Variants in VIPR1 observed in about 807,000 individuals in gnomAD.
VIPR1 encodes the protein vasoactive intestinal polypeptide receptor 1.
VIPR1 carries 59 observed loss-of-function variants against 58.8 expected under a neutral mutation model. The ratio of observed to expected loss-of-function variants is 1.00; its 90% CI spans 0.81 to 1.25. The LOEUF (loss-of-function observed/expected upper bound fraction) is 1.25. VIPR1 is among the 50% of genes most tolerant of loss of function. VIPR1 has a pLI of 0.00. For synonymous variants in VIPR1, 251 were observed against 242.1 expected (o/e 1.04, Z -0.34); for missense variants, 626 against 602.7 (o/e 1.04, Z -0.40).
At chr3:42,502,377 G>T, upstream of VIPR1, 1 of 199,616 alleles carries the variant, frequency 5.0e-6, no homozygotes, top group Non-Finnish European at 1.0e-5. Context: ...GATGGAATGT[G>T]TTCGGGTCTC....
chr3:42,503,117 G>C (rs954489762), intron 1 of VIPR1, among the ~76,000 whole-genome samples: 10 of 152,142 alleles, frequency 6.6e-5, no homozygotes, highest in African/African-American at 2.4e-4. Flanking sequence ...GGTGCGCAGC[G>C]GGGTGGGGCG....
intron 2 of VIPR1, among the ~76,000 whole-genome samples, chr3:42,516,164 G>A (rs1248815362): frequency 6.6e-6 from 1 of 152,170 alleles, no homozygotes; most frequent in Non-Finnish European, 1.5e-5. Context: ...CAAGCTCTGG[G>A]TTGGGCTTTC....
At position 42,502,739 on chromosome 3, in the gene VIPR1, C is replaced by T. The variant is rs1456540471; in HGVS notation, c.4C>T (p.Arg2Cys). Residue 2 changes from arginine to cysteine, a missense_variant, in exon 1 of 13, where the codon CGC (arginine) becomes TGC (cysteine). Physicochemically the swap from Arg to Cys is radical, Grantham distance 180. Coordinates refer to ENST00000325123, the MANE Select transcript of VIPR1 (RefSeq NM_004624.4). ...CGCCGCGGGCTCAGGGCAGACCATGCGCCCGCCAAGTCCGCTGCCCGCCCG... is the reference window on the plus strand; with the variant it reads ...CGCCGCGGGCTCAGGGCAGACCATGTGCCCGCCAAGTCCGCTGCCCGCCCG... M[R>C]PPSPLPARWL... 6 of 1,317,568 alleles carry T rather than the reference C, an allele frequency of 4.6e-6. No homozygotes were observed. The highest frequency in any genetic ancestry group is 7.4e-5 in the Admixed American group (2 of 26,950). 81.6% of individuals were successfully genotyped at this position (1,317,568 alleles called of 1,614,324 possible). A position where few individuals can be genotyped will look rare whatever the true frequency, so the allele number is the denominator to read the frequency against.
At chr3:42,497,297 C>T (rs1699781755) in intron 1 of VIPR1, among the ~76,000 whole-genome samples, 1 of 152,128 alleles carries the variant, frequency 6.6e-6, no homozygotes, top group East Asian at 1.9e-4. Flanking sequence ...TCTGCCCTTC[C>T]TACCTTGAAC....
upstream of VIPR1, among the ~76,000 whole-genome samples, chr3:42,501,444 C>T (rs1226387846): frequency 6.6e-6 from 1 of 152,192 alleles, no homozygotes; most frequent in Non-Finnish European, 1.5e-5. The surrounding 1 kb of genome is among the most constrained non-coding windows in gnomAD (Gnocchi z 4.8). Context: ...TCCGCCTCTC[C>T]TTCTGTCACA....
chr3:42,499,083 C>T (rs773472667), upstream of VIPR1, among the ~76,000 whole-genome samples: 4 of 152,110 alleles, frequency 2.6e-5, no homozygotes, highest in Middle Eastern at 3.4e-3. Context: ...CTCAGAAGCC[C>T]GGAGAAAGCA....
intron 1 of VIPR1, among the ~76,000 whole-genome samples, chr3:42,504,902 CAAAAAAAAAAAAAAA>C (rs56310463): frequency 1.9e-5 from 1 of 52,962 alleles, no homozygotes; most frequent in Non-Finnish European, 3.7e-5. Context: ...AAAAGGGAGG[CAAAAAAAAAAAAAAA>C]AAAAAAAAAG....
Position 42,513,841 on chromosome 3 carries a change from G to T in VIPR1, c.171G>T (p.Glu57Asp). Reference protein sequence around the residue: ...HKQCLEEAQLENETIGCSKMW... With the variant: ...HKQCLEEAQLDNETIGCSKMW... ...AGTGCCTGGAGGAGGCCCAGCTGGA[G>T]AATGAGACAATAGGTGAGGCCCCCA... Residue 57 changes from glutamate (E) to aspartate (D), a missense_variant, in exon 2 of 13, where the codon GAG becomes GAT. Transcript: ENST00000325123. 1 of 1,551,632 alleles carries T rather than the reference G, an allele frequency of 6.4e-7. No homozygotes were observed. Among genetic ancestry groups the T allele is most frequent in the African/African-American group, 1.4e-5 (1 of 73,166 alleles).
chr3:42,528,110 G>T lies in VIPR1; in HGVS notation c.623G>T (p.Cys208Phe). 6.2e-7 allele frequency: 1 copy of T among 1,613,562 alleles called. No individual in the cohort carries two copies. Among genetic ancestry groups the T allele is most frequent in the Non-Finnish European group, 8.5e-7 (1 of 1,179,866 alleles). Residue 208 changes from cysteine (C) to phenylalanine (F), a missense_variant, in exon 6 of 13, where the codon TGC becomes TTC. Coordinates refer to ENST00000325123, the MANE Select transcript of VIPR1 (RefSeq NM_004624.4). The part of the protein sequence containing the change: ...ALFDSGESDQ[C>F]SEGSVGCKAA... Reference sequence around the variant, plus strand: ...TTCGACAGCGGGGAGTCGGACCAGTGCTCCGAGGGCTCGGTGAGGATCCTG... The same window carrying T: ...TTCGACAGCGGGGAGTCGGACCAGTTCTCCGAGGGCTCGGTGAGGATCCTG...
chr3:42,504,902 C>CAAAAAA (rs56310463), intron 1 of VIPR1, among the ~76,000 whole-genome samples: 1 of 52,958 alleles, frequency 1.9e-5, no homozygotes, highest in Admixed American at 2.1e-4. Context: ...AAAAGGGAGG[C>CAAAAAA]AAAAAAAAAA....
chr3:42,511,755 A>G (rs1407909748), intron 1 of VIPR1: 1 of 152,184 alleles, frequency 6.6e-6, no homozygotes, highest in Non-Finnish European at 1.5e-5. Context: ...AGACAGACCA[A>G]TGATGGGACA....
At chr3:42,519,605 T>G in intron 3 of VIPR1, 1 of 322,768 alleles carries the variant, frequency 3.1e-6, no homozygotes, top group Non-Finnish European at 5.7e-6. Context: ...AAATTATGAC[T>G]CCCATAGTCC....
chr3:42,537,506 C>T lies in VIPR1; in HGVS notation c.*1225C>T, dbSNP rs1421600378. The stretch of plus-strand genomic sequence containing the variant: ...GTGGCCACTCAGCTTCCTACCCACA[C>T]CTCTGCCAGAAGATCCCCTCAGGAC... On this transcript the variant is annotated 3_prime_UTR_variant, in exon 13 of 13. Coordinates refer to ENST00000325123, the MANE Select transcript of VIPR1 (RefSeq NM_004624.4). 1 of 152,322 alleles carries T rather than the reference C, an allele frequency of 6.6e-6. No homozygotes were observed. The highest frequency in any genetic ancestry group is 1.5e-5 in the Non-Finnish European group (1 of 68,130). 9.4% of individuals were successfully genotyped at this position (152,322 alleles called of 1,614,324 possible). A position where few individuals can be genotyped will look rare whatever the true frequency, so the allele number is the denominator to read the frequency against.
intron 1 of VIPR1, among the ~76,000 whole-genome samples, chr3:42,490,179 A>G (rs1054621015): frequency 6.6e-6 from 1 of 152,110 alleles, no homozygotes; most frequent in Non-Finnish European, 1.5e-5. Flanking sequence ...AAGACAGAGG[A>G]CAGACAGGCC....
upstream of VIPR1, among the ~76,000 whole-genome samples, chr3:42,497,955 T>A (rs1406019127): frequency 6.6e-6 from 1 of 152,242 alleles, no homozygotes; most frequent in African/African-American, 2.4e-5. Flanking sequence ...GGTGACAGAC[T>A]GCTGACCCCC....
chr3:42,517,372 C>G (rs957436347), intron 2 of VIPR1, among the ~76,000 whole-genome samples: 1 of 152,200 alleles, frequency 6.6e-6, no homozygotes, highest in African/African-American at 2.4e-5. Context: ...GTTGGGTTTT[C>G]TGAGCAAATC....
At chr3:42,510,279 C>T (rs894813446) in intron 1 of VIPR1, among the ~76,000 whole-genome samples, 2 of 152,230 alleles carry the variant, frequency 1.3e-5, no homozygotes, top group African/African-American at 4.8e-5. Context: ...CCTACCTCTA[C>T]AGAATGAGTA....
At chr3:42,507,906 T>C (rs561399497) in intron 1 of VIPR1, 1 of 146,646 alleles carries the variant, frequency 6.8e-6, no homozygotes, top group Non-Finnish European at 1.5e-5. Flanking sequence ...GCAGTTCTCA[T>C]TCTCTTCTTC....
rs768993426 is a variant in VIPR1 at position 42,528,097 on chromosome 3, G to T, written c.610G>T (p.Glu204Ter). ...AGACTTGGCCCTCTTCGACAGCGGG[G>T]AGTCGGACCAGTGCTCCGAGGGCTC... ...IKDLALFDSG[E>*]SDQCSEGSVG... Residue 204 changes from glutamate (E) to a stop codon, truncating the protein, a stop_gained, in exon 6 of 13, where the codon GAG (glutamate) becomes TAG (stop). Transcript: ENST00000325123. LOFTEE classifies it high-confidence loss of function. 1.5e-4 allele frequency: 245 copies of T among 1,613,786 alleles called. 1 individual carries two copies. The highest frequency in any genetic ancestry group is 2.0e-4 in the Non-Finnish European group (238 of 1,179,938).
Sources: gnomAD v4.1 joint callset for allele counts (sites outside exome capture counted in the v4.1 genomes callset) on GRCh38, gnomAD v4.1.1 for gene constraint, Gnocchi (gnomAD v3.1) non-coding constraint, MANE v1.5 for transcripts, NCBI Gene and HGNC (gene_info 2026-07-23, HGNC 2026-07-21) for gene names.